Variants in VMAC observed in about 807,000 individuals in gnomAD.
VMAC encodes the protein vimentin-type intermediate filament-associated coiled-coil protein.
A neutral mutation model predicts 4.8 loss-of-function variants in VMAC; 8 were observed. The observed-to-expected ratio is 1.68, with a 90% CI of 0.99 to 3.03. The LOEUF (loss-of-function observed/expected upper bound fraction) is 3.03, where lower values mean the gene tolerates loss of function less well. Ranked by LOEUF, VMAC falls within the 30% of genes most tolerant of loss-of-function variation. VMAC has a pLI of 0.00. For missense variants in VMAC, 248 were observed against 245.1 expected (o/e 1.01, Z -0.08); for synonymous variants, 96 against 113.7 (o/e 0.84, Z 0.99).
At position 5,908,389 on chromosome 19, in the gene VMAC, G is replaced by A. The variant is rs1295275109; in HGVS notation, c.192-435G>A. Among the ~76,000 whole-genome samples the A allele has an allele frequency of 1.3e-5, 2 of 151,954 alleles. No homozygotes were observed. Among genetic ancestry groups the A allele is most frequent in the Non-Finnish European group, 2.9e-5 (2 of 68,006 alleles). On this transcript the variant is annotated intron_variant, in intron 1 of 1. Coordinates refer to ENST00000339485, the MANE Select transcript of VMAC (RefSeq NM_001017921.4). This position sits in a 1 kb window ranked among gnomAD's most constrained non-coding sequence, Gnocchi z 4.5. ...CCCAGCACTTTGAGAGGCCATGGCG[G>A]GTGGATCACGTGGTCAGGAGTTCGA...
rs57251248 is a variant in VMAC at position 5,910,675 on chromosome 19, AAAC to A, written c.*1569_*1571del. 3,139 of 147,182 alleles carry A rather than the reference AAAC, an allele frequency of 0.021. 51 individuals are homozygous for A. The highest frequency in any genetic ancestry group is 0.072 in the Middle Eastern group (21 of 290). The allele number at this position is 147,182 out of a possible 1,614,324, so 9.1% of individuals were successfully genotyped here. A position where few individuals can be genotyped will look rare whatever the true frequency, so the allele number is the denominator to read the frequency against. Reference sequence around the variant, plus strand: ...ACAGAGTGAGACTCAGTCTCAAAGAAAACAACAACAACAACAACAACAACAACA... The same window carrying A: ...ACAGAGTGAGACTCAGTCTCAAAGAAAACAACAACAACAACAACAACAACA... On this transcript the variant is annotated 3_prime_UTR_variant, in exon 2 of 2. Transcript: ENST00000339485.
At position 5,908,318 on chromosome 19, in the gene VMAC, C is replaced by A. The variant is rs916464484; in HGVS notation, c.192-506C>A. The stretch of plus-strand genomic sequence containing the variant: ...CCTGGGCAACAGAGCGAGACTGTCT[C>A]AGAAATTATAATAATAGGCTGGGCG... On this transcript the variant is annotated intron_variant, in intron 1 of 1. Transcript: ENST00000339485. This position sits in a 1 kb window ranked among gnomAD's most constrained non-coding sequence, Gnocchi z 4.5. Among the ~76,000 whole-genome samples, 1 of 151,536 alleles carries A rather than the reference C, an allele frequency of 6.6e-6. No individual in the cohort carries two copies. Among genetic ancestry groups the A allele is most frequent in the Admixed American group, 6.6e-5 (1 of 15,198 alleles).
chr19:5,908,327 T>C lies in VMAC; in HGVS notation c.192-497T>C, dbSNP rs949305039. 8.7e-5 allele frequency among the ~76,000 whole-genome samples: 13 copies of C among 149,838 alleles called. No homozygotes were observed. Among genetic ancestry groups the C allele is most frequent in the East Asian group, 5.9e-4 (3 of 5,072 alleles). ...CAGAGCGAGACTGTCTCAGAAATTA[T>C]AATAATAGGCTGGGCGTGGTGGCTC... On this transcript the variant is annotated intron_variant, in intron 1 of 1. Transcript: ENST00000339485. The surrounding 1 kb of genome is among the most constrained non-coding windows in gnomAD (Gnocchi z 4.5).
intron 1 of VMAC, among the ~76,000 whole-genome samples, chr19:5,906,500 G>C (rs868396011): frequency 2.6e-5 from 4 of 152,222 alleles, no homozygotes; most frequent in African/African-American, 9.6e-5. Context: ...ACATCAGTAA[G>C]ACTTAGCCTT....
At position 5,909,822 on chromosome 19, in the gene VMAC, CT is replaced by C; in HGVS notation, c.*685del. 6.6e-6 allele frequency: 1 copy of C among 152,306 alleles called. No homozygotes were observed. The highest frequency in any genetic ancestry group is 1.5e-5 in the Non-Finnish European group (1 of 68,026). The allele number at this position is 152,306 out of a possible 1,614,324, so 9.4% of individuals were successfully genotyped here. ...AGCTTTTGTAGCATGCAACTGTCTC[CT>C]TTTTATACGCCCTAAAGAATATATT... On this transcript the variant is annotated 3_prime_UTR_variant, in exon 2 of 2. Transcript: ENST00000339485.
chr19:5,907,624 A>AAAAAAAAAAAAAAAAAC (rs1272295318), intron 1 of VMAC, among the ~76,000 whole-genome samples: 1 of 138,446 alleles, frequency 7.2e-6, no homozygotes, highest in Non-Finnish European at 1.6e-5. Context: ...AAAAAAAAAA[A>AAAAAAAAAAAAAAAAAC]AAAAAAAAAA....
Position 5,908,521 on chromosome 19 carries a change from C to A in VMAC, c.192-303C>A, listed in dbSNP as rs2057686782. 6.6e-6 allele frequency among the ~76,000 whole-genome samples: 1 copy of A among 151,984 alleles called. No homozygotes were observed. ...ATCCCAGCTACTAGGGAGGCTGAGG[C>A]AGGAGAATTGCTTGAACCCTGGAGC... On this transcript the variant is annotated intron_variant, in intron 1 of 1. Coordinates refer to ENST00000339485, the MANE Select transcript of VMAC (RefSeq NM_001017921.4). This position sits in a 1 kb window ranked among gnomAD's most constrained non-coding sequence, Gnocchi z 4.5.
Position 5,909,199 on chromosome 19 carries a change from G to A in VMAC, c.*57G>A. ...AAAGCCACTGCTGTCAGTGTCCTTGGGAGTCACCAGCACCCTGCAGGGGGA... is the reference window on the plus strand; with the variant it reads ...AAAGCCACTGCTGTCAGTGTCCTTGAGAGTCACCAGCACCCTGCAGGGGGA... On this transcript the variant is annotated 3_prime_UTR_variant, in exon 2 of 2. Transcript: ENST00000339485. 1 of 1,509,070 alleles carries A rather than the reference G, an allele frequency of 6.6e-7. No homozygotes were observed. The highest frequency in any genetic ancestry group is 1.2e-5 in the South Asian group (1 of 81,424). 93.5% of individuals were successfully genotyped at this position (1,509,070 alleles called of 1,614,324 possible). A position where few individuals can be genotyped will look rare whatever the true frequency, so the allele number is the denominator to read the frequency against.
At position 5,904,938 on chromosome 19, in the gene VMAC, G is replaced by T. The variant is rs770087696; in HGVS notation, c.48G>T (p.Leu16=). The T allele has an allele frequency of 1.8e-5, 27 of 1,489,354 alleles. No homozygotes were observed. The highest frequency in any genetic ancestry group is 2.3e-5 in the Non-Finnish European group (26 of 1,129,856). 92.3% of individuals were successfully genotyped at this position (1,489,354 alleles called of 1,614,324 possible). ...AGATCCGGGAGGCAAACGCACACCT[G>T]GCAGCCGTGCACCGGCGCGCAGCGG... ...ALQIREANAH[L]AAVHRRAAEL... Residue 16 remains leucine (L), a synonymous_variant, in exon 1 of 2, where the codon CTG becomes CTT. Transcript: ENST00000339485.
chr19:5,907,380 A>G (rs2057682206), intron 1 of VMAC, among the ~76,000 whole-genome samples: 1 of 151,892 alleles, frequency 6.6e-6, no homozygotes, highest in South Asian at 2.1e-4. Flanking sequence ...TTGTAATCCC[A>G]TAATGCCCAC....
rs1334738163 is a variant in VMAC at position 5,909,815 on chromosome 19, CTG to C, written c.*675_*676del. ...CTAGCCTAGCTTTTGTAGCATGCAA[CTG>C]TCTCCTTTTTATACGCCCTAAAGAA... is the stretch of plus-strand genomic sequence containing the variant. On this transcript the variant is annotated 3_prime_UTR_variant, in exon 2 of 2. Transcript: ENST00000339485. 1 of 152,228 alleles carries C rather than the reference CTG, an allele frequency of 6.6e-6. No individual in the cohort carries two copies. Among genetic ancestry groups the C allele is most frequent in the Non-Finnish European group, 1.5e-5 (1 of 68,058 alleles). The allele number at this position is 152,228 out of a possible 1,614,324, so 9.4% of individuals were successfully genotyped here.
chr19:5,904,895 C>G lies in VMAC; in HGVS notation c.5C>G (p.Ser2Trp), dbSNP rs750021627. 2.7e-6 allele frequency: 4 copies of G among 1,477,180 alleles called. No individual in the cohort carries two copies. Among genetic ancestry groups the G allele is most frequent in the South Asian group, 2.6e-5 (2 of 77,404 alleles). 91.5% of individuals were successfully genotyped at this position (1,477,180 alleles called of 1,614,324 possible). A position where few individuals can be genotyped will look rare whatever the true frequency, so the allele number is the denominator to read the frequency against. The change falls in exon 1 of 2, where the codon TCG (serine) becomes TGG (tryptophan). Residue 2 changes from serine (S) to tryptophan (W), a missense_variant. Physicochemically the swap from Ser to Trp is radical, Grantham distance 177. Coordinates refer to ENST00000339485, the MANE Select transcript of VMAC (RefSeq NM_001017921.4). The part of the protein sequence containing the change: M[S>W]APPALQIREA... ...GCCTGTACAGCAGCCTGGGCCATGTCGGCGCCGCCGGCCCTGCAGATCCGG... is the reference window on the plus strand; with the variant it reads ...GCCTGTACAGCAGCCTGGGCCATGTGGGCGCCGCCGGCCCTGCAGATCCGG...
Position 5,908,863 on chromosome 19 carries a change from A to T in VMAC, c.231A>T (p.Glu77Asp). 4 of 1,613,972 alleles carry T rather than the reference A, an allele frequency of 2.5e-6. No homozygotes were observed. The highest frequency in any genetic ancestry group is 1.3e-5 in the African/African-American group (1 of 75,038). Residue 77 changes from glutamate to aspartate, a missense_variant, in exon 2 of 2, where the codon GAA becomes GAT. Physicochemically the swap from Glu to Asp is conservative, Grantham distance 45. Transcript: ENST00000339485. This position sits in a 1 kb window ranked among gnomAD's most constrained non-coding sequence, Gnocchi z 4.5. ...ATLQEQLMTS[E>D]ATVHSLQATV... ...TCCAGGAGCAGCTGATGACCTCAGAAGCCACTGTCCACAGCCTGCAGGCCA... is the reference window on the plus strand; with the variant it reads ...TCCAGGAGCAGCTGATGACCTCAGATGCCACTGTCCACAGCCTGCAGGCCA...
At chr19:5,906,685 C>T (rs924420364) in intron 1 of VMAC, among the ~76,000 whole-genome samples, 7 of 152,102 alleles carry the variant, frequency 4.6e-5, no homozygotes, top group Non-Finnish European at 5.9e-5. Context: ...TGGAAAGGAA[C>T]GAACTGCAGG....
At chr19:5,906,340 G>A (rs913549506) in intron 1 of VMAC, among the ~76,000 whole-genome samples, 3 of 152,220 alleles carry the variant, frequency 2.0e-5, no homozygotes, top group Non-Finnish European at 2.9e-5. Flanking sequence ...CCAGGGAGGT[G>A]GGAGGAGCTG....
intron 1 of VMAC, among the ~76,000 whole-genome samples, chr19:5,907,307 C>A (rs954575247): frequency 1.3e-5 from 2 of 152,190 alleles, no homozygotes; most frequent in East Asian, 3.9e-4. Flanking sequence ...CCAAAAAGCT[C>A]CATCTCTAAA....
chr19:5,908,802 C>G lies in VMAC; in HGVS notation c.192-22C>G. ...GCTGTGGTCCTCAGTTCTGTAATCA[C>G]CTCCTCTTGCCTTCCTGCCAGTGAG... On this transcript the variant is annotated intron_variant, in intron 1 of 1. Transcript: ENST00000339485. The surrounding 1 kb of genome is among the most constrained non-coding windows in gnomAD (Gnocchi z 4.5). 6.2e-7 allele frequency: 1 copy of G among 1,612,488 alleles called. No individual in the cohort carries two copies. The highest frequency in any genetic ancestry group is 8.5e-7 in the Non-Finnish European group (1 of 1,179,466).
In VMAC at chr19:5,909,147, G is replaced by A. The variant is rs368962280; in HGVS notation, c.*5G>A. The A allele has an allele frequency of 2.9e-5, 45 of 1,532,584 alleles. No homozygotes were observed. In the East Asian group the frequency reaches 3.4e-4, roughly 12 times the overall value. 94.9% of individuals were successfully genotyped at this position (1,532,584 alleles called of 1,614,324 possible). On this transcript the variant is annotated 3_prime_UTR_variant, in exon 2 of 2. Coordinates refer to ENST00000339485, the MANE Select transcript of VMAC (RefSeq NM_001017921.4). ...GTGTTTGGGACCACAGTGTGAGCCC[G>A]GAATGCAGATTACAGAATGGAGACA...
Position 5,905,090 on chromosome 19 carries a change from C to T in VMAC, c.191+9C>T, listed in dbSNP as rs1168095227. The T allele has an allele frequency of 2.2e-5, 29 of 1,339,666 alleles. 1 individual carries two copies. The highest frequency in any genetic ancestry group is 1.3e-4 in the South Asian group (7 of 52,852). 83.0% of individuals were successfully genotyped at this position (1,339,666 alleles called of 1,614,324 possible). A position where few individuals can be genotyped will look rare whatever the true frequency, so the allele number is the denominator to read the frequency against. On this transcript the variant is annotated intron_variant, in intron 1 of 1. Transcript: ENST00000339485. Reference sequence around the variant, plus strand: ...GGTCGCGCCAAGGACCGGTGAGGCCCGGGGCCGGCCAGGTGGACTTCACCG... The same window carrying T: ...GGTCGCGCCAAGGACCGGTGAGGCCTGGGGCCGGCCAGGTGGACTTCACCG...
Sources: allele counts gnomAD v4.1 joint callset (sites outside exome capture counted in the v4.1 genomes callset), GRCh38; gene constraint gnomAD v4.1.1; non-coding constraint Gnocchi (gnomAD v3.1); transcripts MANE v1.5; gene names NCBI Gene and HGNC (gene_info 2026-07-23, HGNC 2026-07-21).